Variants in HYOU1 observed in about 807,000 individuals in gnomAD.
HYOU1 encodes hypoxia up-regulated protein 1.
A neutral mutation model predicts 120.5 loss-of-function variants in HYOU1; 40 were observed. The ratio of observed to expected loss-of-function variants is 0.33; its 90% CI spans 0.26 to 0.43. The LOEUF (loss-of-function observed/expected upper bound fraction) is 0.43, where lower values mean the gene tolerates loss of function less well. HYOU1 is among the 20% of genes least tolerant of loss of function. The pLI, the probability that HYOU1 is intolerant of heterozygous loss-of-function variation, is 1.00. For missense variants in HYOU1, 1,085 were observed against 1,278.3 expected (o/e 0.85, Z 2.31); for synonymous variants, 501 against 479.4 (o/e 1.05, Z -0.59).
At position 119,052,849 on chromosome 11, in the gene HYOU1, G is replaced by C; in HGVS notation, c.795-20C>G. 1 of 1,599,848 alleles carries C rather than the reference G, an allele frequency of 6.3e-7. No individual in the cohort carries two copies. The highest frequency in any genetic ancestry group is 8.5e-7 in the Non-Finnish European group (1 of 1,173,178). ...TCAAATCTGTTGAGAAAAGGGAGCA[G>C]GGAAAAAAGTGAAGAACACATGGAG... is the stretch of plus-strand genomic sequence containing the variant. On this transcript the variant is annotated intron_variant, in intron 8 of 25. Transcript: ENST00000617285. The surrounding 1 kb of genome is among the most constrained non-coding windows in gnomAD (Gnocchi z 5.0).
chr11:119,055,736 G>C lies in HYOU1; in HGVS notation c.185+14C>G. 6.2e-7 allele frequency: 1 copy of C among 1,610,104 alleles called. No individual in the cohort carries two copies. Among genetic ancestry groups the C allele is most frequent in the Non-Finnish European group, 8.5e-7 (1 of 1,176,362 alleles). ...TCCCTCGTTCCCCACCCTTAACACG[G>C]GGGCCACCCTCACTTATTCAAGACA... On this transcript the variant is annotated intron_variant, in intron 3 of 25. Transcript: ENST00000617285. This position sits in a 1 kb window ranked among gnomAD's most constrained non-coding sequence, Gnocchi z 4.0.
Position 119,048,900 on chromosome 11 carries a change from G to C in HYOU1, c.1993-14C>G, listed in dbSNP as rs2133568301. 3 of 1,604,182 alleles carry C rather than the reference G, an allele frequency of 1.9e-6. No individual in the cohort carries two copies. The highest frequency in any genetic ancestry group is 2.2e-5 in the South Asian group (2 of 89,984). On this transcript the variant is annotated splice_polypyrimidine_tract_variant and intron_variant, in intron 17 of 25. Transcript: ENST00000617285. This position sits in a 1 kb window ranked among gnomAD's most constrained non-coding sequence, Gnocchi z 4.7. ...CTCACTTGGTTTCTGGGTGGGAAGA[G>C]TCAGGGGTGTCAGGAAAAGCCTCTG...
chr11:119,056,724 G>A, intron 1 of HYOU1: 1 of 258,950 alleles, frequency 3.9e-6, no homozygotes, highest in Non-Finnish European at 7.7e-6. Context: ...CGGCCCCGCT[G>A]TGCCCACAGA....
Position 119,054,644 on chromosome 11 carries a change from C to T in HYOU1, c.528G>A (p.Val176=), listed in dbSNP as rs1944643029. The T allele has an allele frequency of 1.9e-6, 3 of 1,613,362 alleles. No individual in the cohort carries two copies. Among genetic ancestry groups the T allele is most frequent in the Non-Finnish European group, 2.5e-6 (3 of 1,180,042 alleles). Residue 176 remains valine, a synonymous_variant, in exon 7 of 26, where the codon GTG becomes GTA. Transcript: ENST00000617285. ...GCTCGGCCTGGTTGAAGAAGACTGG[C>T]ACGGTGATCACTGCATCCTTGATGG... ...EQPIKDAVIT[V]PVFFNQAERR...
At chr11:119,054,921 T>C in intron 6 of HYOU1, 63 bp downstream of exon 6, 1 of 1,530,134 alleles carries the variant, frequency 6.5e-7, no homozygotes, top group South Asian at 1.1e-5. Flanking sequence ...TTGCCCCTGT[T>C]GGAGAATCAC....
At position 119,054,200 on chromosome 11, in the gene HYOU1, CGGTG is replaced by C; in HGVS notation, c.711_714del (p.Ser237ArgfsTer6). On this transcript the variant is annotated frameshift_variant, in exon 8 of 26. Coordinates refer to ENST00000617285, the MANE Select transcript of HYOU1 (RefSeq NM_006389.5). LOFTEE classifies it high-confidence loss of function. The stretch of plus-strand genomic sequence containing the variant: ...ATCTGGTAGGTCACAATGGTGCATA[CGGTG>C]CTGCCTGAGCCCATGTCATAGAACA... 6.2e-7 allele frequency: 1 copy of C among 1,613,910 alleles called. No homozygotes were observed. The highest frequency in any genetic ancestry group is 8.5e-7 in the Non-Finnish European group (1 of 1,179,764).
Position 119,055,882 on chromosome 11 carries a change from G to C in HYOU1, c.92-39C>G. ...AGGTTTGTCAGTTAGCTCTCCCTTC[G>C]CCCACCTTCCTGGGACTCCCTCTAA... is the stretch of plus-strand genomic sequence containing the variant. On this transcript the variant is annotated intron_variant, in intron 2 of 25. Coordinates refer to ENST00000617285, the MANE Select transcript of HYOU1 (RefSeq NM_006389.5). This position sits in a 1 kb window ranked among gnomAD's most constrained non-coding sequence, Gnocchi z 4.0. The C allele has an allele frequency of 6.5e-7, 1 of 1,534,476 alleles. No individual in the cohort carries two copies. Among genetic ancestry groups the C allele is most frequent in the Admixed American group, 1.7e-5 (1 of 59,890 alleles).
At position 119,046,713 on chromosome 11, in the gene HYOU1, C is replaced by A. The variant is rs2133552763; in HGVS notation, c.2685G>T (p.Met895Ile). The A allele has an allele frequency of 8.1e-6, 13 of 1,612,486 alleles. No individual in the cohort carries two copies. The highest frequency in any genetic ancestry group is 1.1e-5 in the Non-Finnish European group (13 of 1,180,038). ...ACTGCACCTCTCGGTCCAGGGCCAT[C>A]ATCTTAGCTTCAATGTCTTTTGAGA... is the stretch of plus-strand genomic sequence containing the variant. ...VLLSKDIEAKMMALDREVQYL... is the reference protein window; with the variant it reads ...VLLSKDIEAKIMALDREVQYL... The change falls in exon 23 of 26, where the codon ATG becomes ATT. Residue 895 changes from methionine (M) to isoleucine (I), a missense_variant. Physicochemically the swap from Met to Ile is conservative, Grantham distance 10. Coordinates refer to ENST00000617285, the MANE Select transcript of HYOU1 (RefSeq NM_006389.5).
Position 119,056,070 on chromosome 11 carries a change from C to T in HYOU1, c.91G>A (p.Asp31Asn). The change falls in exon 2 of 26, where the codon GAT becomes AAT. Residue 31 changes from aspartate to asparagine, a missense_variant and splice_region_variant. Asp to Asn is a conservative substitution (Grantham distance 23). This residue lies in a region of HYOU1 where 45 missense variants were observed against 49.2 expected (regional missense o/e 0.91). Transcript: ENST00000617285. Reference sequence around the variant, plus strand: ...TTGCTCCCTCTACTGGGGTACATACCACTCAGTGCCAACAGGTCTGCCAAG... The same window carrying T: ...TTGCTCCCTCTACTGGGGTACATACTACTCAGTGCCAACAGGTCTGCCAAG... ...VLLADLLALS[D>N]TLAVMSVDLG... 1 of 1,613,134 alleles carries T rather than the reference C, an allele frequency of 6.2e-7. No individual in the cohort carries two copies. The highest frequency in any genetic ancestry group is 8.5e-7 in the Non-Finnish European group (1 of 1,179,160).
rs782209078 is a variant in HYOU1, at chr11:119,048,898, G to T, written c.1993-12C>A. The T allele has an allele frequency of 6.2e-7, 1 of 1,603,610 alleles. No individual in the cohort carries two copies. The highest frequency in any genetic ancestry group is 1.7e-5 in the Admixed American group (1 of 58,060). ...TTCTCACTTGGTTTCTGGGTGGGAA[G>T]AGTCAGGGGTGTCAGGAAAAGCCTC... is the stretch of plus-strand genomic sequence containing the variant. On this transcript the variant is annotated splice_polypyrimidine_tract_variant and intron_variant, in intron 17 of 25. Coordinates refer to ENST00000617285, the MANE Select transcript of HYOU1 (RefSeq NM_006389.5). The surrounding 1 kb of genome is among the most constrained non-coding windows in gnomAD (Gnocchi z 4.7).
At position 119,054,683 on chromosome 11, in the gene HYOU1, T is replaced by G. The variant is rs2133607183; in HGVS notation, c.497-8A>C. On this transcript the variant is annotated splice_polypyrimidine_tract_variant and splice_region_variant and intron_variant, in intron 6 of 25. Transcript: ENST00000617285. ...CATCCTTGATGGGCTGCTCTACAGA[T>G]GACAACAGAAAAGGGTCCCGCCGGC... 2 of 1,608,756 alleles carry G rather than the reference T, an allele frequency of 1.2e-6. No individual in the cohort carries two copies. Among genetic ancestry groups the G allele is most frequent in the South Asian group, 2.2e-5 (2 of 91,046 alleles).
intron 6 of HYOU1, 101 bp from the exon 7 acceptor site, chr11:119,054,776 GTGGGGC>G: frequency 7.8e-7 from 1 of 1,288,428 alleles, no homozygotes; most frequent in Non-Finnish European, 1.1e-6. Context: ...ATTCTGTGTT[GTGGGGC>G]TGTCCTGTGC....
At position 119,051,685 on chromosome 11, in the gene HYOU1, G is replaced by A. The variant is rs1219968199; in HGVS notation, c.1339-60C>T. On this transcript the variant is annotated intron_variant, in intron 12 of 25. Transcript: ENST00000617285. This position sits in a 1 kb window ranked among gnomAD's most constrained non-coding sequence, Gnocchi z 4.2. ...CACTAGAGAACCCGAGTAGGTTCTG[G>A]GGTAAGGATGGGGGTGGGATGGGGG... is the stretch of plus-strand genomic sequence containing the variant. 9 of 1,600,138 alleles carry A rather than the reference G, an allele frequency of 5.6e-6. No individual in the cohort carries two copies. The East Asian group carries it at 1.8e-4, about 32-fold the overall frequency.
At position 119,048,612 on chromosome 11, in the gene HYOU1, T is replaced by C; in HGVS notation, c.2166-49A>G. 2 of 1,610,754 alleles carry C rather than the reference T, an allele frequency of 1.2e-6. No homozygotes were observed. Among genetic ancestry groups the C allele is most frequent in the Non-Finnish European group, 1.7e-6 (2 of 1,177,834 alleles). On this transcript the variant is annotated intron_variant, in intron 18 of 25. Coordinates refer to ENST00000617285, the MANE Select transcript of HYOU1 (RefSeq NM_006389.5). The surrounding 1 kb of genome is among the most constrained non-coding windows in gnomAD (Gnocchi z 4.7). Reference sequence around the variant, plus strand: ...GATGAGGGAGAGGGCAAGTGAGAACTTGAGACTCTGGGTCCGACAGCCCTC... The same window carrying C: ...GATGAGGGAGAGGGCAAGTGAGAACCTGAGACTCTGGGTCCGACAGCCCTC...
intron 16 of HYOU1, 46 bp downstream of exon 16, chr11:119,049,510 A>C (rs2133573395): frequency 6.2e-6 from 10 of 1,601,336 alleles, no homozygotes; most frequent in Admixed American, 5.0e-5. Flanking sequence ...TACTACCTGC[A>C]TCCCCCACCG....
chr11:119,047,409 A>C (rs1340482296), intron 22 of HYOU1: 5 of 307,934 alleles, frequency 1.6e-5, no homozygotes, highest in Non-Finnish European at 3.1e-5. Flanking sequence ...CACACATCCA[A>C]AACAGTTTCT....
chr11:119,051,345 G>A lies in HYOU1; in HGVS notation c.1526+93C>T, dbSNP rs893773575. The A allele has an allele frequency of 1.9e-5, 29 of 1,502,492 alleles. 1 individual carries two copies. The South Asian group carries it at 3.5e-4, about 18-fold the overall frequency. 93.1% of individuals were successfully genotyped at this position (1,502,492 alleles called of 1,614,324 possible). A position where few individuals can be genotyped will look rare whatever the true frequency, so the allele number is the denominator to read the frequency against. ...ATAGCTGCCCTGTTTCAGCCCCGCA[G>A]GCCCACATCCTCCCTCACCCCCAGT... On this transcript the variant is annotated intron_variant, in intron 13 of 25. Transcript: ENST00000617285. This position sits in a 1 kb window ranked among gnomAD's most constrained non-coding sequence, Gnocchi z 4.2.
rs1265834699 is a variant in HYOU1, at chr11:119,049,594, T to C, written c.1768A>G (p.Thr590Ala). Reference sequence around the variant, plus strand: ...GTACCATTCTCCTTGGCATCTGGTGTGGTACCGCCTCCAAACAGGCTGGAA... The same window carrying C: ...GTACCATTCTCCTTGGCATCTGGTGCGGTACCGCCTCCAAACAGGCTGGAA... ...TISSLFGGGT[T>A]PDAKENGTDT... Residue 590 changes from threonine to alanine, a missense_variant, in exon 16 of 26, where the codon ACA becomes GCA. Transcript: ENST00000617285. 6.8e-6 allele frequency: 11 copies of C among 1,614,018 alleles called. No homozygotes were observed. Among genetic ancestry groups the C allele is most frequent in the Non-Finnish European group, 9.3e-6 (11 of 1,180,034 alleles).
Position 119,048,658 on chromosome 11 carries a change from C to T in HYOU1, c.2165+56G>A. ...CCCTCCCTCCCAGGGCGCCATCCCA[C>T]ATCCTGCCCACCTTGCACACACATG... On this transcript the variant is annotated intron_variant, in intron 18 of 25. Coordinates refer to ENST00000617285, the MANE Select transcript of HYOU1 (RefSeq NM_006389.5). This position sits in a 1 kb window ranked among gnomAD's most constrained non-coding sequence, Gnocchi z 4.7. 2 of 1,606,786 alleles carry T rather than the reference C, an allele frequency of 1.2e-6. No homozygotes were observed. Among genetic ancestry groups the T allele is most frequent in the South Asian group, 1.1e-5 (1 of 90,138 alleles).
Sources: allele counts gnomAD v4.1 joint callset, GRCh38; gene constraint gnomAD v4.1.1; regional missense constraint gnomAD v4.1.1; non-coding constraint Gnocchi (gnomAD v3.1); transcripts MANE v1.5; gene names NCBI Gene and HGNC (gene_info 2026-07-23, HGNC 2026-07-21).